The following ALG6 variants were observed in gnomAD, a reference collection of about 807,000 sequenced individuals.
The protein encoded by ALG6 is ALG6 alpha-1,3-glucosyltransferase, also known as dolichyl pyrophosphate Man9GlcNAc2 alpha-1,3-glucosyltransferase.
ALG6 carries 46 observed loss-of-function variants against 66.6 expected under a neutral mutation model. That is an observed-to-expected ratio of 0.69 (90% CI 0.55 to 0.88). ALG6 has a LOEUF of 0.88. ALG6 is among the 40% of genes least tolerant of loss of function. The pLI, the probability that ALG6 is intolerant of heterozygous loss-of-function variation, is 0.00. For missense variants in ALG6, 505 were observed against 586.8 expected (o/e 0.86, Z 1.44); for synonymous variants, 185 against 203.7 (o/e 0.91, Z 0.78).
At chr1:63,395,237 C>G (rs1454392469) in intron 2 of ALG6, among the ~76,000 whole-genome samples, 1 of 152,180 alleles carries the variant, frequency 6.6e-6, no homozygotes, top group African/African-American at 2.4e-5. Flanking sequence ...TATTACAAAT[C>G]CATTATCCCT....
At chr1:63,382,116 G>A (rs1345689184) in intron 2 of ALG6, among the ~76,000 whole-genome samples, 1 of 148,312 alleles carries the variant, frequency 6.7e-6, no homozygotes, top group African/African-American at 2.5e-5. Context: ...AATTTGTATG[G>A]GTACATAGTA....
rs1480685061 is a variant in ALG6 at position 63,398,496 on chromosome 1, G to C, written c.167+1899G>C. ...TAATTATATTTCTTTTTTTTGAGAC[G>C]GAGTCTCGCTCTGTTGTCCAGGCTG... On this transcript the variant is annotated intron_variant, in intron 3 of 14. Coordinates refer to ENST00000263440, the MANE Select transcript of ALG6 (RefSeq NM_013339.4). Among the ~76,000 whole-genome samples the C allele has an allele frequency of 3.3e-5, 5 of 151,946 alleles. No homozygotes were observed. In the South Asian group the frequency reaches 1.0e-3, roughly 32 times the overall value.
intron 3 of ALG6, among the ~76,000 whole-genome samples, chr1:63,400,307 GTATATATATATACGTA>G (rs1644454565): frequency 1.3e-4 from 1 of 7,574 alleles, no homozygotes; most frequent in Non-Finnish European, 1.8e-4. Flanking sequence ...GTATATATAT[GTATATATATATACGTA>G]TATATATATA....
At chr1:63,402,417 G>A (rs1644469272) in intron 4 of ALG6, 74 bp downstream of exon 4, 4 of 905,170 alleles carry the variant, frequency 4.4e-6, no homozygotes, top group Non-Finnish European at 7.3e-6. Context: ...AGTGTGATGG[G>A]GCTTTCTTGA....
At chr1:63,415,992 G>A in intron 11 of ALG6, 35 bp downstream of exon 11, 1 of 1,394,228 alleles carries the variant, frequency 7.2e-7, no homozygotes, top group South Asian at 1.2e-5. Context: ...CTTAATTCTT[G>A]CCACAACTGA....
chr1:63,385,366 A>C (rs1214274105), intron 2 of ALG6, among the ~76,000 whole-genome samples: 1 of 150,904 alleles, frequency 6.6e-6, no homozygotes, highest in Non-Finnish European at 1.5e-5. Context: ...TGCCCGACAA[A>C]TTTTTGTATT....
chr1:63,438,380 A>G lies in ALG6; in HGVS notation c.*1360A>G, dbSNP rs974325352. ...GTAATCACTGTGCCCAAATGTCAGC[A>G]TCTTGGCTGGCTGGTGTAGCTTTAT... On this transcript the variant is annotated 3_prime_UTR_variant, in exon 15 of 15. Transcript: ENST00000263440. 2.0e-5 allele frequency: 3 copies of G among 152,220 alleles called. No homozygotes were observed. Among genetic ancestry groups the G allele is most frequent in the African/African-American group, 7.2e-5 (3 of 41,460 alleles). 9.4% of individuals were successfully genotyped at this position (152,220 alleles called of 1,614,324 possible).
At chr1:63,400,277 ATATACGTATATATATATACG>A (rs1644452316) in intron 3 of ALG6, among the ~76,000 whole-genome samples, 1 of 21,786 alleles carries the variant, frequency 4.6e-5, no homozygotes, top group Admixed American at 7.1e-4. Flanking sequence ...ACGTATATAT[ATATACGTATATATATATACG>A]TATATATATG....
chr1:63,416,557 A>G (rs1011112970), intron 11 of ALG6, among the ~76,000 whole-genome samples: 1 of 152,174 alleles, frequency 6.6e-6, no homozygotes, highest in Non-Finnish European at 1.5e-5. Flanking sequence ...AGTGAAAGAT[A>G]AGGGTAAAAA....
At chr1:63,397,263 G>A (rs1284621790) in intron 3 of ALG6, among the ~76,000 whole-genome samples, 6 of 151,728 alleles carry the variant, frequency 4.0e-5, no homozygotes, top group Admixed American at 1.3e-4. Context: ...TCAGCTCACT[G>A]CAACCTCTGC....
chr1:63,430,190 A>G (rs1644638778), intron 14 of ALG6, among the ~76,000 whole-genome samples: 1 of 152,084 alleles, frequency 6.6e-6, no homozygotes, highest in Admixed American at 6.6e-5. Context: ...CACTTAGCAT[A>G]TTTTTGAGGT....
chr1:63,431,055 T>C (rs1644642810), intron 14 of ALG6, among the ~76,000 whole-genome samples: 1 of 152,186 alleles, frequency 6.6e-6, no homozygotes, highest in African/African-American at 2.4e-5. Context: ...TAATATTGTA[T>C]ATGGTGTGAG....
chr1:63,412,864 AT>A (rs1001531212), intron 9 of ALG6, among the ~76,000 whole-genome samples: 37 of 152,196 alleles, frequency 2.4e-4, no homozygotes, highest in African/African-American at 8.4e-4. Context: ...TTTAAAAATA[AT>A]TTTAAAAGCA....
At chr1:63,409,862 A>T (rs1195221414) in intron 7 of ALG6, among the ~76,000 whole-genome samples, 1 of 152,202 alleles carries the variant, frequency 6.6e-6, no homozygotes, top group Non-Finnish European at 1.5e-5. Context: ...GGTTTGCATT[A>T]TAGTGCTAAC....
At chr1:63,402,749 G>A (rs1253064831) in intron 4 of ALG6, among the ~76,000 whole-genome samples, 3 of 150,642 alleles carry the variant, frequency 2.0e-5, no homozygotes, top group Non-Finnish European at 4.4e-5. Flanking sequence ...TTACAGGCAT[G>A]AGCCACCTCA....
At chr1:63,378,538 A>T (rs575095793) in intron 2 of ALG6, among the ~76,000 whole-genome samples, 29 of 152,252 alleles carry the variant, frequency 1.9e-4, no homozygotes, top group African/African-American at 6.7e-4. Context: ...GATTAGATAT[A>T]TGTTGGATCT....
Position 63,404,507 on chromosome 1 carries a change from G to C in ALG6, c.312G>C (p.Glu104Asp), listed in dbSNP as rs181119407. The C allele has an allele frequency of 6.2e-7, 1 of 1,613,748 alleles. No individual in the cohort carries two copies. The highest frequency in any genetic ancestry group is 1.3e-5 in the African/African-American group (1 of 75,022). The change falls in exon 5 of 15, where the codon GAG (glutamate) becomes GAC (aspartate). Residue 104 changes from glutamate (E) to aspartate (D), a missense_variant. Physicochemically the swap from Glu to Asp is conservative, Grantham distance 45. Transcript: ENST00000263440. ...WIALHTSRGY[E>D]SQAHKLFMRT... Reference sequence around the variant, plus strand: ...CTCTCCATACATCACGTGGATATGAGAGTCAGGCACATAAGCTCTTCATGC... The same window carrying C: ...CTCTCCATACATCACGTGGATATGACAGTCAGGCACATAAGCTCTTCATGC...
At chr1:63,406,978 A>C in intron 6 of ALG6, 84 bp from the exon 7 acceptor site, 2 of 975,492 alleles carry the variant, frequency 2.1e-6, no homozygotes, top group Non-Finnish European at 3.3e-6. Context: ...ACATTTGCTA[A>C]TGTGTTAGAT....
intron 3 of ALG6, among the ~76,000 whole-genome samples, chr1:63,400,349 GTATATATATA>G (rs1310156763): frequency 2.2e-5 from 2 of 90,192 alleles, no homozygotes; most frequent in African/African-American, 9.8e-5. Context: ...ATATATATAT[GTATATATATA>G]TGTATATATA....
Sources: allele counts gnomAD v4.1 joint callset (sites outside exome capture counted in the v4.1 genomes callset), GRCh38; gene constraint gnomAD v4.1.1; transcripts MANE v1.5; gene names NCBI Gene and HGNC (gene_info 2026-07-23, HGNC 2026-07-21).